Variants in DBF4 observed in about 807,000 individuals in gnomAD.
DBF4 encodes DBF4-CDC7 kinase regulatory subunit.
Under a neutral mutation model 76.6 loss-of-function variants are expected in DBF4, and 25 were observed. The ratio of observed to expected loss-of-function variants is 0.33; its 90% confidence interval spans 0.24 to 0.46. The LOEUF (loss-of-function observed/expected upper bound fraction) is 0.46, where lower values mean the gene tolerates loss of function less well. Among genes scored for constraint, DBF4 ranks in the 20% least tolerant of loss-of-function variants. DBF4 has a pLI of 1.00. For missense variants in DBF4, 638 were observed against 760.8 expected (o/e 0.84, Z 1.90); for synonymous variants, 213 against 258.0 (o/e 0.83, Z 1.67).
intron 6 of DBF4, among the ~76,000 whole-genome samples, chr7:87,895,677 G>T (rs1839616224): frequency 6.6e-6 from 1 of 152,144 alleles, no homozygotes; most frequent in Non-Finnish European, 1.5e-5. Flanking sequence ...GGGAATTAGG[G>T]ATCCCTTTCT....
At chr7:87,892,897 C>G (rs899744569) in intron 6 of DBF4, among the ~76,000 whole-genome samples, 2 of 152,084 alleles carry the variant, frequency 1.3e-5, no homozygotes, top group African/African-American at 4.8e-5. Context: ...ATATAACGTG[C>G]TTTTTATTAT....
intron 9 of DBF4, 112 bp downstream of exon 9, chr7:87,900,461 A>G (rs762542982): frequency 7.5e-5 from 93 of 1,244,682 alleles, no homozygotes; most frequent in Non-Finnish European, 9.6e-5. Context: ...TGTGTTTGTA[A>G]TTACTATTCT....
At chr7:87,886,514 G>A (rs1242583392) in intron 3 of DBF4, among the ~76,000 whole-genome samples, 4 of 111,944 alleles carry the variant, frequency 3.6e-5, no homozygotes, top group Admixed American at 2.7e-4. Context: ...TAGCTTGAGC[G>A]ACACAGCAAG....
Position 87,900,815 on chromosome 7 carries a change from G to A in DBF4, c.861G>A (p.Leu287=), listed in dbSNP as rs753347200. 1.9e-5 allele frequency: 31 copies of A among 1,613,318 alleles called. No individual in the cohort carries two copies. The highest frequency in any genetic ancestry group is 2.6e-5 in the Non-Finnish European group (31 of 1,179,730). ...GTGGAACCTCAATTCAACTCCAGTT[G>A]AAAGAGAAGAAGAAAAAAGGATATT... ...KYGGTSIQLQ[L]KEKKKKGYCE... The change falls in exon 10 of 12, where the codon TTG becomes TTA. Residue 287 remains leucine, a synonymous_variant. Transcript: ENST00000265728.
At chr7:87,885,721 G>T (rs1021876156) in intron 3 of DBF4, among the ~76,000 whole-genome samples, 1 of 152,214 alleles carries the variant, frequency 6.6e-6, no homozygotes, top group Non-Finnish European at 1.5e-5. Context: ...AGGCAGAATT[G>T]AATAGTTGCT....
Position 87,876,792 on chromosome 7 carries a change from C to A in DBF4, c.46+14C>A, listed in dbSNP as rs370867177. The A allele has an allele frequency of 5.0e-6, 8 of 1,613,902 alleles. No homozygotes were observed. Among genetic ancestry groups the A allele is most frequent in the Non-Finnish European group, 6.8e-6 (8 of 1,179,868 alleles). On this transcript the variant is annotated intron_variant, in intron 1 of 11. Coordinates refer to ENST00000265728, the MANE Select transcript of DBF4 (RefSeq NM_006716.4). ...GACATTTCCAGGGTAAGAAGCCCCT[C>A]CTCCGCCTGCAGTCCCTTTAATCCT...
chr7:87,896,644 G>A (rs1460656514), intron 7 of DBF4, 134 bp downstream of exon 7: 4 of 660,618 alleles, frequency 6.1e-6, no homozygotes, highest in Non-Finnish European at 9.7e-6. Flanking sequence ...ATAGATCCTT[G>A]GTGAAGTTTG....
chr7:87,904,124 T>G (rs1474355195), intron 10 of DBF4, among the ~76,000 whole-genome samples, 168 bp from the exon 11 acceptor site: 1 of 152,214 alleles, frequency 6.6e-6, no homozygotes, highest in Non-Finnish European at 1.5e-5. Flanking sequence ...TGACTTTTAT[T>G]TTATTTTATT....
chr7:87,877,655 GATTCTTTCATCGCTAAA>G (rs1839102193), intron 1 of DBF4, among the ~76,000 whole-genome samples: 1 of 152,166 alleles, frequency 6.6e-6, no homozygotes. Context: ...CGTAACAGAG[GATTCTTTCATCGCTAAA>G]TGAAGTTTAA....
In DBF4 at chr7:87,887,300, G is replaced by C. The variant is rs774553682; in HGVS notation, c.451-29G>C. Reference sequence around the variant, plus strand: ...TTAGCTCATCTTAAATAATTTCCTAGAACAACCATAAAACTTTTTTTTTTA... The same window carrying C: ...TTAGCTCATCTTAAATAATTTCCTACAACAACCATAAAACTTTTTTTTTTA... On this transcript the variant is annotated intron_variant, in intron 4 of 11. Coordinates refer to ENST00000265728, the MANE Select transcript of DBF4 (RefSeq NM_006716.4). The C allele has an allele frequency of 1.5e-5, 21 of 1,416,586 alleles. No individual in the cohort carries two copies. The African/African-American group carries it at 2.6e-4, about 18-fold the overall frequency. 87.8% of individuals were successfully genotyped at this position (1,416,586 alleles called of 1,614,324 possible). A position where few individuals can be genotyped will look rare whatever the true frequency, so the allele number is the denominator to read the frequency against.
chr7:87,884,632 G>A (rs983759231), intron 2 of DBF4, among the ~76,000 whole-genome samples: 1 of 152,222 alleles, frequency 6.6e-6, no homozygotes, highest in Non-Finnish European at 1.5e-5. Flanking sequence ...AGCACATGCT[G>A]CTGTTGTGCT....
At chr7:87,899,141 CAG>C (rs932495265) in intron 8 of DBF4, among the ~76,000 whole-genome samples, 16 of 152,236 alleles carry the variant, frequency 1.1e-4, no homozygotes, top group Admixed American at 7.8e-4. Flanking sequence ...GGAGAGAACA[CAG>C]GGGAAAAGCT....
intron 10 of DBF4, among the ~76,000 whole-genome samples, chr7:87,901,652 A>C (rs1000043358): frequency 2.0e-5 from 3 of 152,216 alleles, no homozygotes; most frequent in Non-Finnish European, 4.4e-5. Flanking sequence ...GGTATATAGG[A>C]TGAAAATGGG....
chr7:87,891,255 T>C (rs1365262654), intron 6 of DBF4, among the ~76,000 whole-genome samples: 2 of 152,020 alleles, frequency 1.3e-5, no homozygotes, highest in Non-Finnish European at 2.9e-5. Flanking sequence ...ATTGGTCTTT[T>C]TCTTTGATGT....
intron 1 of DBF4, 112 bp downstream of exon 1, chr7:87,876,890 C>CCGGCT: frequency 8.2e-7 from 1 of 1,216,438 alleles, no homozygotes. Flanking sequence ...TTTCTTCTGA[C>CCGGCT]CGGCCTCTGG....
intron 5 of DBF4, among the ~76,000 whole-genome samples, chr7:87,887,680 A>G (rs1839391030): frequency 6.6e-6 from 1 of 152,168 alleles, no homozygotes; most frequent in Non-Finnish European, 1.5e-5. Flanking sequence ...AGAGTATCAC[A>G]TGGTGAGGGG....
intron 2 of DBF4, among the ~76,000 whole-genome samples, chr7:87,881,541 T>G (rs1041081510): frequency 1.3e-5 from 2 of 152,242 alleles, no homozygotes; most frequent in Non-Finnish European, 2.9e-5. Flanking sequence ...GAGAGATTAG[T>G]TCCAGCTGAG....
rs768570524 is a variant in DBF4, at chr7:87,904,466, G to T, written c.1049+50G>T. ...TTTAAATTCTACTAGGCGGCCAGGG[G>T]TGGTGGCTCATGCCTGTAATCCCAG... On this transcript the variant is annotated intron_variant, in intron 11 of 11. Coordinates refer to ENST00000265728, the MANE Select transcript of DBF4 (RefSeq NM_006716.4). 1.7e-5 allele frequency: 27 copies of T among 1,560,082 alleles called. No homozygotes were observed. The African/African-American group carries it at 2.9e-4, about 17-fold the overall frequency.
At chr7:87,884,557 G>T (rs547016153) in intron 2 of DBF4, among the ~76,000 whole-genome samples, 1 of 152,166 alleles carries the variant, frequency 6.6e-6, no homozygotes, top group Admixed American at 6.5e-5. Flanking sequence ...AATGTAGATA[G>T]TATCATGAGG....
Sources: gnomAD v4.1 joint callset for allele counts (sites outside exome capture counted in the v4.1 genomes callset) on GRCh38, gnomAD v4.1.1 for gene constraint, MANE v1.5 for transcripts, NCBI Gene and HGNC (gene_info 2026-07-23, HGNC 2026-07-21) for gene names.